Variants in RSRP1 observed in about 807,000 individuals in gnomAD.
RSRP1 encodes arginine and serine rich protein 1.
In RSRP1, 37 loss-of-function variants were observed where a neutral mutation model predicts 33.0. The ratio of observed to expected loss-of-function variants is 1.12; its 90% CI spans 0.86 to 1.48. The LOEUF (loss-of-function observed/expected upper bound fraction) is 1.48. Ranked by LOEUF, RSRP1 falls within the 40% of genes most tolerant of loss-of-function variation. The pLI, the probability that RSRP1 is intolerant of heterozygous loss-of-function variation, is 0.00. For missense variants in RSRP1, 402 were observed against 385.3 expected, an observed-to-expected ratio of 1.04 and a Z score of -0.36; for synonymous variants, 167 against 158.7, an observed-to-expected ratio of 1.05 and a Z score of -0.40.
At chr1:25,307,546 A>G in intron 1 of RSRP1, 1 of 557,354 alleles carries the variant, frequency 1.8e-6, no homozygotes, top group Non-Finnish European at 3.4e-6. Flanking sequence ...GCATTGTGCT[A>G]GAAACCATTA....
intron 1 of RSRP1, among the ~76,000 whole-genome samples, chr1:25,283,075 T>C (rs1312815378): frequency 7.5e-6 from 1 of 133,058 alleles, no homozygotes; most frequent in African/African-American, 2.6e-5. Context: ...AAATAGCTTT[T>C]AGAGTTTGGA....
chr1:25,246,661 G>A lies in RSRP1; in HGVS notation c.303C>T (p.Thr101=). ...RRYRERRYGF[T]RRYYRSPSRY... ...GCGAAGGAGACCGGTAGTATCTCCT[G>A]GTGAACCCGTAGCGCCTCTCTCGGT... The change falls in exon 2 of 5, where the codon ACC becomes ACT. Residue 101 remains threonine (T), a synonymous_variant. Transcript: ENST00000243189. 1 of 1,613,622 alleles carries A rather than the reference G, an allele frequency of 6.2e-7. No individual in the cohort carries two copies. Among genetic ancestry groups the A allele is most frequent in the Non-Finnish European group, 8.5e-7 (1 of 1,179,678 alleles).
Position 25,309,245 on chromosome 1 carries a change from TGGGAAGG to T in RSRP1, c.-67+28726_-67+28732del. Reference sequence around the variant, plus strand: ...CACAAACTGTGGGATTTTTAAGTAATGGGAAGGCACACTGAAATGGCACTGAATCATG... The same window carrying T: ...CACAAACTGTGGGATTTTTAAGTAATCACACTGAAATGGCACTGAATCATG... On this transcript the variant is annotated intron_variant, in intron 1 of 1. Transcript: ENST00000561867. Among the ~76,000 whole-genome samples, 2 of 131,922 alleles carry T rather than the reference TGGGAAGG, an allele frequency of 1.5e-5. 1 individual carries two copies. The highest frequency in any genetic ancestry group is 4.6e-4 in the South Asian group (2 of 4,348). The allele number at this position is 131,922 out of a possible 152,430, so 86.5% of individuals were successfully genotyped here. A position where few individuals can be genotyped will look rare whatever the true frequency, so the allele number is the denominator to read the frequency against.
intron 1 of RSRP1, among the ~76,000 whole-genome samples, chr1:25,319,569 A>C (rs1399675371): frequency 7.6e-6 from 1 of 132,344 alleles, no homozygotes; most frequent in African/African-American, 2.6e-5. Context: ...AGATCATGCC[A>C]CTGCACTCCA....
chr1:25,263,342 C>T lies in RSRP1; in HGVS notation c.-66-16313G>A, dbSNP rs570073692. Among the ~76,000 whole-genome samples, 15 of 151,966 alleles carry T rather than the reference C, an allele frequency of 9.9e-5. No individual in the cohort carries two copies. The East Asian group carries it at 2.9e-3, about 29-fold the overall frequency. On this transcript the variant is annotated intron_variant, in intron 1 of 1. Transcript: ENST00000561867. ...TATTAGTCTGTTCACAAACCCGAGA[C>T]TAGGCAATTTACAAAAGAAAGAGAG...
intron 1 of RSRP1, among the ~76,000 whole-genome samples, chr1:25,312,940 A>AAAAAAAAAAAC (rs1453953745): frequency 9.2e-6 from 1 of 108,976 alleles, no homozygotes; most frequent in African/African-American, 2.9e-5. Flanking sequence ...AAAAAAAAAA[A>AAAAAAAAAAAC]AAAAAAAAAA....
At position 25,301,533 on chromosome 1, in the gene RSRP1, G is replaced by C. The variant is rs200820520; in HGVS notation, c.-67+36445C>G. 4.4e-4 allele frequency: 612 copies of C among 1,378,592 alleles called. 130 individuals carry two copies. In the South Asian group the frequency reaches 6.7e-3, roughly 15 times the overall value. The allele number at this position is 1,378,592 out of a possible 1,614,324, so 85.4% of individuals were successfully genotyped here. A position where few individuals can be genotyped will look rare whatever the true frequency, so the allele number is the denominator to read the frequency against. ...TCTGGCCCCCAGGCGCCCTCTTCTT[G>C]TGGATGTTCTGGCCAAGTTTCAACT... On this transcript the variant is annotated intron_variant, in intron 1 of 1. Transcript: ENST00000561867.
intron 1 of RSRP1, among the ~76,000 whole-genome samples, chr1:25,303,912 A>G (rs1365968230): frequency 8.7e-6 from 1 of 114,338 alleles, no homozygotes; most frequent in Non-Finnish European, 2.1e-5. Context: ...CCCAATCCCA[A>G]ATTCTCTGGA....
At chr1:25,249,201 A>C (rs1639693096), upstream of RSRP1, among the ~76,000 whole-genome samples, 1 of 151,594 alleles carries the variant, frequency 6.6e-6, no homozygotes, top group South Asian at 2.1e-4. Context: ...CAAGTATAAA[A>C]ATGATGTGTT....
At chr1:25,250,610 TA>T (rs1557493343), upstream of RSRP1, among the ~76,000 whole-genome samples, 1 of 152,244 alleles carries the variant, frequency 6.6e-6, no homozygotes, top group African/African-American at 2.4e-5. Context: ...TAATTAAGGT[TA>T]AGGATCTGGA....
In RSRP1 at chr1:25,315,769, T is replaced by C. The variant is rs375056145; in HGVS notation, c.-67+22209A>G. On this transcript the variant is annotated intron_variant, in intron 1 of 1. Transcript: ENST00000561867. ...CCTCGGCCTCCCAAAGTGTGGGGAT[T>C]ACAGGTGTGAGCCACCACACCCGGC... is the stretch of plus-strand genomic sequence containing the variant. Among the ~76,000 whole-genome samples, 193 of 130,960 alleles carry C rather than the reference T, an allele frequency of 1.5e-3. 35 individuals carry two copies. Among genetic ancestry groups the C allele is most frequent in the African/African-American group, 4.8e-3 (181 of 38,070 alleles). 85.9% of individuals were successfully genotyped at this position (130,960 alleles called of 152,430 possible).
At chr1:25,256,782 C>G (rs1639963371) in intron 1 of RSRP1, among the ~76,000 whole-genome samples, 1 of 152,116 alleles carries the variant, frequency 6.6e-6, no homozygotes, top group Non-Finnish European at 1.5e-5. Context: ...CGAGATCTCA[C>G]AGGAGGCCCT....
chr1:25,257,802 G>C (rs992701386), intron 1 of RSRP1, among the ~76,000 whole-genome samples: 2 of 151,778 alleles, frequency 1.3e-5, no homozygotes, highest in African/African-American at 4.8e-5. Context: ...GTAGACATAG[G>C]GTTTCTCCAC....
intron 1 of RSRP1, among the ~76,000 whole-genome samples, chr1:25,289,990 G>A (rs1232110026): frequency 7.8e-6 from 1 of 128,764 alleles, no homozygotes; most frequent in Admixed American, 7.5e-5. Flanking sequence ...CACACCGATA[G>A]GAAGAATACT....
chr1:25,274,801 G>A (rs1640801092), intron 1 of RSRP1, among the ~76,000 whole-genome samples: 1 of 133,766 alleles, frequency 7.5e-6, no homozygotes, highest in African/African-American at 2.5e-5. Flanking sequence ...GAGGTTAGGA[G>A]TTCGAGACCA....
At chr1:25,275,233 A>T (rs1640857989) in intron 1 of RSRP1, among the ~76,000 whole-genome samples, 1 of 131,846 alleles carries the variant, frequency 7.6e-6, no homozygotes, top group African/African-American at 2.6e-5. Flanking sequence ...GAGGTTGCTG[A>T]GCTGAGAACA....
intron 1 of RSRP1, among the ~76,000 whole-genome samples, chr1:25,332,871 T>C (rs1645035978): frequency 7.6e-6 from 1 of 132,324 alleles, no homozygotes; most frequent in African/African-American, 2.6e-5. Flanking sequence ...GCTCACATGA[T>C]TACAGAGGCT....
rs1404449759 is a variant in RSRP1, at chr1:25,280,361, A to G, written c.-66-33332T>C. Among the ~76,000 whole-genome samples the G allele has an allele frequency of 3.3e-5, 4 of 122,020 alleles. 1 individual carries two copies. The highest frequency in any genetic ancestry group is 1.1e-4 in the African/African-American group (4 of 35,216). 80.0% of individuals were successfully genotyped at this position (122,020 alleles called of 152,430 possible). On this transcript the variant is annotated intron_variant, in intron 1 of 1. Coordinates refer to the RSRP1 transcript ENST00000561867. ...CACTCTGTCATCCAGGCTGGAGTACAGTGGTGCGATCTCGGCTCACTGCAA... is the reference window on the plus strand; with the variant it reads ...CACTCTGTCATCCAGGCTGGAGTACGGTGGTGCGATCTCGGCTCACTGCAA...
rs377505528 is a variant in RSRP1 at position 25,270,863 on chromosome 1, A to T, written c.-66-23834T>A. 6.1e-5 allele frequency among the ~76,000 whole-genome samples: 8 copies of T among 131,936 alleles called. No individual in the cohort carries two copies. In the East Asian group the frequency reaches 9.8e-4, roughly 16 times the overall value. The allele number at this position is 131,936 out of a possible 152,430, so 86.6% of individuals were successfully genotyped here. ...TGGTGCCTAGCAAGTACTTAATAAC[A>T]GTTAGCTCTGAAAATGTATAAAGCA... On this transcript the variant is annotated intron_variant, in intron 1 of 1. Coordinates refer to the RSRP1 transcript ENST00000561867.
Sources: gnomAD v4.1 joint callset for allele counts (sites outside exome capture counted in the v4.1 genomes callset) on GRCh38, gnomAD v4.1.1 for gene constraint, MANE v1.5 for transcripts, NCBI Gene and HGNC (gene_info 2026-07-23, HGNC 2026-07-21) for gene names.